Variants in PAIP2B observed in about 807,000 individuals in gnomAD.
PAIP2B encodes the protein polyadenylate-binding protein-interacting protein 2B.
In PAIP2B, 13 loss-of-function variants were observed where a neutral mutation model predicts 17.0. The ratio of observed to expected loss-of-function variants is 0.76; its 90% CI spans 0.50 to 1.22. The LOEUF (loss-of-function observed/expected upper bound fraction) is 1.22, where lower values mean the gene tolerates loss of function less well. Among genes scored for constraint, PAIP2B ranks in the 50% most tolerant of loss-of-function variants. The probability of loss-of-function intolerance (pLI) is 0.00; values close to 1 mark genes in which losing one functional copy is unlikely to be tolerated. For missense variants in PAIP2B, 117 were observed against 144.5 expected (o/e 0.81, Z 0.98); for synonymous variants, 43 against 48.7 (o/e 0.88, Z 0.48).
intron 2 of PAIP2B, 28 bp from the exon 3 acceptor site, chr2:71,190,049 C>A (rs1572919670): frequency 6.3e-7 from 1 of 1,592,638 alleles, no homozygotes; most frequent in Non-Finnish European, 8.5e-7. Flanking sequence ...GCAGCTCAGA[C>A]TTACTGTCAC....
chr2:71,202,624 T>C, intron 1 of PAIP2B, 24 bp from the exon 2 acceptor site: 1 of 1,574,156 alleles, frequency 6.4e-7, no homozygotes, highest in Non-Finnish European at 8.7e-7. Flanking sequence ...AAAGAAAAGA[T>C]AAAATGAATA....
At chr2:71,222,876 G>A (rs1469354058) in intron 1 of PAIP2B, among the ~76,000 whole-genome samples, 2 of 152,208 alleles carry the variant, frequency 1.3e-5, no homozygotes, top group Non-Finnish European at 2.9e-5. Flanking sequence ...GTTGACATGT[G>A]ACAATGGAGA....
chr2:71,208,304 A>G (rs527271416), intron 1 of PAIP2B, among the ~76,000 whole-genome samples: 2 of 152,206 alleles, frequency 1.3e-5, no homozygotes, highest in East Asian at 3.9e-4. Flanking sequence ...CATGCCAGTA[A>G]TCCCAGCTAC....
intron 3 of PAIP2B, among the ~76,000 whole-genome samples, chr2:71,188,938 C>T (rs774194065): frequency 3.5e-4 from 53 of 151,960 alleles, no homozygotes; most frequent in Non-Finnish European, 6.3e-4. Flanking sequence ...ATATCCAAAA[C>T]CTTAGCAAAC....
intron 1 of PAIP2B, among the ~76,000 whole-genome samples, chr2:71,212,394 G>A (rs1227047205): frequency 2.0e-5 from 3 of 152,142 alleles, no homozygotes; most frequent in African/African-American, 4.8e-5. Context: ...CTTCTAGCAT[G>A]CCTCTGTGCA....
intron 2 of PAIP2B, among the ~76,000 whole-genome samples, chr2:71,201,024 T>G (rs565953353): frequency 5.6e-5 from 8 of 143,954 alleles, no homozygotes; most frequent in East Asian, 2.0e-4. Context: ...TGTGTGTGTG[T>G]GTGTGTGTGT....
intron 2 of PAIP2B, among the ~76,000 whole-genome samples, chr2:71,190,966 A>G (rs80353318): frequency 0.015 from 2,289 of 152,338 alleles, 51 homozygotes; most frequent in African/African-American, 0.051. Flanking sequence ...TATTCAAACA[A>G]TTCTGCATTT....
At chr2:71,195,426 A>G (rs1375491131) in intron 2 of PAIP2B, among the ~76,000 whole-genome samples, 1 of 152,112 alleles carries the variant, frequency 6.6e-6, no homozygotes, top group Non-Finnish European at 1.5e-5. Context: ...CAGGGAATCA[A>G]TTTCTTCCTA....
At chr2:71,201,152 C>T (rs543863150) in intron 2 of PAIP2B, among the ~76,000 whole-genome samples, 1 of 152,278 alleles carries the variant, frequency 6.6e-6, no homozygotes, top group East Asian at 1.9e-4. Flanking sequence ...AGCTGACCCA[C>T]AGCTCAGACA....
At position 71,185,088 on chromosome 2, in the gene PAIP2B, T is replaced by A. The variant is rs1418485910; in HGVS notation, c.*3391A>T. ...AGTACAAGAAGATTCATTCGTGCTGTTTACTTTGGCAGCCTCTTCACACAA... is the reference window on the plus strand; with the variant it reads ...AGTACAAGAAGATTCATTCGTGCTGATTACTTTGGCAGCCTCTTCACACAA... On this transcript the variant is annotated 3_prime_UTR_variant, in exon 4 of 4. Transcript: ENST00000244221. 2 of 152,182 alleles carry A rather than the reference T, an allele frequency of 1.3e-5. No homozygotes were observed. Among genetic ancestry groups the A allele is most frequent in the Non-Finnish European group, 2.9e-5 (2 of 68,044 alleles). The allele number at this position is 152,182 out of a possible 1,614,324, so 9.4% of individuals were successfully genotyped here.
chr2:71,205,291 T>C (rs1675098223), intron 1 of PAIP2B, among the ~76,000 whole-genome samples: 2 of 152,258 alleles, frequency 1.3e-5, no homozygotes. Flanking sequence ...TATTTTGTAC[T>C]ATTCAACCTG....
intron 2 of PAIP2B, among the ~76,000 whole-genome samples, chr2:71,193,472 C>T (rs1674738026): frequency 6.6e-5 from 10 of 152,150 alleles, no homozygotes. Flanking sequence ...GCTTTTGTTG[C>T]AATTGCTTTT....
intron 1 of PAIP2B, among the ~76,000 whole-genome samples, chr2:71,213,271 AT>A (rs1340847982): frequency 1.3e-5 from 2 of 152,134 alleles, no homozygotes; most frequent in Admixed American, 6.6e-5. Flanking sequence ...TCTTTGACAT[AT>A]TTCTGGAAAT....
chr2:71,206,715 A>G (rs1282917999), intron 1 of PAIP2B, among the ~76,000 whole-genome samples: 1 of 152,152 alleles, frequency 6.6e-6, no homozygotes, highest in Admixed American at 6.5e-5. Context: ...CTTAAATAAT[A>G]TTTTTCAGAA....
At chr2:71,197,746 A>G (rs1304764070) in intron 2 of PAIP2B, among the ~76,000 whole-genome samples, 1 of 152,270 alleles carries the variant, frequency 6.6e-6, no homozygotes, top group African/African-American at 2.4e-5. Flanking sequence ...AGCAAGTCAC[A>G]TCTTACATGG....
At chr2:71,189,742 G>T (rs1303281670) in intron 3 of PAIP2B, 103 bp downstream of exon 3, 6 of 1,129,954 alleles carry the variant, frequency 5.3e-6, no homozygotes, top group Non-Finnish European at 7.3e-6. Context: ...AGCTCACAGG[G>T]CTCCAGACTT....
rs1266122298 is a variant in PAIP2B, at chr2:71,183,615, A to G, written c.*4864T>C. The G allele has an allele frequency of 6.6e-6, 1 of 151,574 alleles. No individual in the cohort carries two copies. 9.4% of individuals were successfully genotyped at this position (151,574 alleles called of 1,614,324 possible). A position where few individuals can be genotyped will look rare whatever the true frequency, so the allele number is the denominator to read the frequency against. ...TACTCAGCAATAAAAGGAACAAACT[A>G]CCAAGACGTTATCTGTCATGGACAA... On this transcript the variant is annotated 3_prime_UTR_variant, in exon 4 of 4. Coordinates refer to ENST00000244221, the MANE Select transcript of PAIP2B (RefSeq NM_020459.1).
In PAIP2B at chr2:71,184,799, C is replaced by T. The variant is rs1674491891; in HGVS notation, c.*3680G>A. On this transcript the variant is annotated 3_prime_UTR_variant, in exon 4 of 4. Transcript: ENST00000244221. Reference sequence around the variant, plus strand: ...CACCCACTTCGCAAACTAATGACGTCCGCGTTATCCCAGAGGAGAGTGGCT... The same window carrying T: ...CACCCACTTCGCAAACTAATGACGTTCGCGTTATCCCAGAGGAGAGTGGCT... The T allele has an allele frequency of 2.0e-5, 3 of 151,936 alleles. No individual in the cohort carries two copies. The highest frequency in any genetic ancestry group is 2.0e-4 in the Admixed American group (3 of 15,278). 9.4% of individuals were successfully genotyped at this position (151,936 alleles called of 1,614,324 possible). A position where few individuals can be genotyped will look rare whatever the true frequency, so the allele number is the denominator to read the frequency against.
At chr2:71,216,741 T>G (rs778456782) in intron 1 of PAIP2B, among the ~76,000 whole-genome samples, 47 of 152,300 alleles carry the variant, frequency 3.1e-4, no homozygotes, top group Non-Finnish European at 5.7e-4. Context: ...TTCAAGAACC[T>G]CTGGCATATA....
Sources: gnomAD v4.1 joint callset for allele counts (sites outside exome capture counted in the v4.1 genomes callset) on GRCh38, gnomAD v4.1.1 for gene constraint, MANE v1.5 for transcripts, NCBI Gene and HGNC (gene_info 2026-07-23, HGNC 2026-07-21) for gene names.